The following L3MBTL4 variants were observed in gnomAD, a reference collection of about 807,000 sequenced individuals.
The protein encoded by L3MBTL4 is L3MBTL histone methyl-lysine binding protein 4.
A neutral mutation model predicts 84.5 loss-of-function variants in L3MBTL4; 70 were observed. The observed-to-expected ratio is 0.83, with a 90% CI of 0.68 to 1.01. The LOEUF is 1.01. Among genes scored for constraint, L3MBTL4 ranks in the 50% least tolerant of loss-of-function variants. The pLI is 0.00. For missense variants in L3MBTL4, 715 were observed against 754.8 expected (o/e 0.95, Z 0.62); for synonymous variants, 274 against 259.8 (o/e 1.05, Z -0.52).
rs73938775 is a variant in L3MBTL4 at position 6,154,265 on chromosome 18, T to G, written c.1097-15969A>C. Among the ~76,000 whole-genome samples the G allele has an allele frequency of 8.2e-3, 1,255 of 152,306 alleles. 20 individuals are homozygous for G. The highest frequency in any genetic ancestry group is 0.029 in the African/African-American group (1,205 of 41,564). On this transcript the variant is annotated intron_variant, in intron 13 of 18. Transcript: ENST00000317931. ...TTGCTTTACATAATAATCAAAATTT[T>G]TATATGTTTATGTACACCAACTTCT... is the stretch of plus-strand genomic sequence containing the variant.
At chr18:6,386,298 T>A (rs978136609) in intron 1 of L3MBTL4, among the ~76,000 whole-genome samples, 1 of 152,178 alleles carries the variant, frequency 6.6e-6, no homozygotes, top group African/African-American at 2.4e-5. Flanking sequence ...TAGGCCTTGG[T>A]GCAGACGGCC....
At chr18:5,957,694 G>A (rs1382305599) in intron 18 of L3MBTL4, among the ~76,000 whole-genome samples, 3 of 150,360 alleles carry the variant, frequency 2.0e-5, no homozygotes, top group Non-Finnish European at 2.9e-5. Flanking sequence ...GGTGGCTCAT[G>A]TCTGTAATCC....
chr18:6,048,648 G>C (rs556711458), intron 16 of L3MBTL4, among the ~76,000 whole-genome samples: 14 of 152,138 alleles, frequency 9.2e-5, no homozygotes, highest in African/African-American at 2.9e-4. Context: ...AATTAGCCGG[G>C]TGTGGTGGCG....
intron 14 of L3MBTL4, among the ~76,000 whole-genome samples, chr18:6,114,827 A>G (rs1217386961): frequency 6.6e-6 from 1 of 152,220 alleles, no homozygotes; most frequent in Non-Finnish European, 1.5e-5. Flanking sequence ...TGGTCACTAC[A>G]TACTGCTGCC....
At chr18:6,214,765 C>T (rs1049185597) in intron 11 of L3MBTL4, among the ~76,000 whole-genome samples, 4 of 152,166 alleles carry the variant, frequency 2.6e-5, no homozygotes, top group African/African-American at 4.8e-5. Context: ...GTATTGTACA[C>T]GCCTAAGGTA....
chr18:6,126,795 A>C (rs2059710534), intron 14 of L3MBTL4, among the ~76,000 whole-genome samples: 1 of 152,234 alleles, frequency 6.6e-6, no homozygotes, highest in Admixed American at 6.5e-5. Flanking sequence ...AAATTGGGTA[A>C]TTAATCATGT....
intron 1 of L3MBTL4, among the ~76,000 whole-genome samples, chr18:6,355,665 G>A (rs1046548001): frequency 2.0e-5 from 3 of 152,042 alleles, no homozygotes; most frequent in African/African-American, 7.2e-5. Context: ...CATATGGCTA[G>A]CTTCAATAAG....
chr18:6,301,980 T>C, intron 3 of L3MBTL4, 23 bp from the exon 4 acceptor site: 1 of 1,581,358 alleles, frequency 6.3e-7, no homozygotes, highest in Non-Finnish European at 8.7e-7. Flanking sequence ...AAATGGTGTT[T>C]AGATGGTATT....
intron 4 of L3MBTL4, among the ~76,000 whole-genome samples, chr18:6,279,827 T>A (rs1251319676): frequency 6.6e-6 from 1 of 152,206 alleles, no homozygotes; most frequent in Non-Finnish European, 1.5e-5. Context: ...CATATTTCCC[T>A]TGACCTTTTT....
intron 13 of L3MBTL4, among the ~76,000 whole-genome samples, chr18:6,144,196 CAA>C (rs35746580): frequency 6.9e-5 from 4 of 58,080 alleles, no homozygotes; most frequent in East Asian, 5.8e-4. Context: ...ACTCCATCTC[CAA>C]AAAAAAAAAA....
At chr18:6,204,991 T>C (rs762870176) in intron 12 of L3MBTL4, among the ~76,000 whole-genome samples, 1 of 152,240 alleles carries the variant, frequency 6.6e-6, no homozygotes, top group African/African-American at 2.4e-5. Context: ...GTAAAACAAT[T>C]GCATAAGGCA....
At chr18:6,362,956 A>G (rs1455472488) in intron 1 of L3MBTL4, among the ~76,000 whole-genome samples, 1 of 152,234 alleles carries the variant, frequency 6.6e-6, no homozygotes. Context: ...CGCGGAAAGC[A>G]CTCATCTACC....
chr18:6,047,643 A>T (rs1419342322), intron 16 of L3MBTL4, among the ~76,000 whole-genome samples: 1 of 152,246 alleles, frequency 6.6e-6, no homozygotes, highest in Non-Finnish European at 1.5e-5. Context: ...AGAATTAAAA[A>T]CAAAAATCAT....
At chr18:6,039,331 G>C (rs1293226504) in intron 16 of L3MBTL4, among the ~76,000 whole-genome samples, 1 of 152,084 alleles carries the variant, frequency 6.6e-6, no homozygotes. Context: ...AATTTTCTCT[G>C]CTTTTAAAAA....
intron 12 of L3MBTL4, among the ~76,000 whole-genome samples, chr18:6,185,969 A>ATTTT (rs1196171165): frequency 7.9e-5 from 11 of 139,874 alleles, no homozygotes; most frequent in African/African-American, 3.1e-4. Context: ...TCTTTATTTT[A>ATTTT]TTTTATTTTA....
At position 5,981,974 on chromosome 18, in the gene L3MBTL4, C is replaced by CTGTGTGTGTGTGTGTGTG. The variant is rs374606293; in HGVS notation, c.1445-12430_1445-12413dup. ...AAAGGAACAAAAAGGTTTCAATATT[C>CTGTGTGTGTGTGTGTGTG]TGTGTGTGTGTGTGTGTGTGTGTGT... On this transcript the variant is annotated intron_variant, in intron 16 of 18. Coordinates refer to ENST00000317931, the MANE Select transcript of L3MBTL4 (RefSeq NM_001330559.2). Among the ~76,000 whole-genome samples, 274 of 137,424 alleles carry CTGTGTGTGTGTGTGTGTG rather than the reference C, an allele frequency of 2.0e-3. 1 individual carries two copies. Among genetic ancestry groups the CTGTGTGTGTGTGTGTGTG allele is most frequent in the African/African-American group, 7.0e-3 (253 of 36,242 alleles). The allele number at this position is 137,424 out of a possible 152,430, so 90.2% of individuals were successfully genotyped here. A position where few individuals can be genotyped will look rare whatever the true frequency, so the allele number is the denominator to read the frequency against.
intron 4 of L3MBTL4, 125 bp from the exon 5 acceptor site, chr18:6,264,163 C>T (rs2048528815): frequency 3.0e-6 from 2 of 667,860 alleles, no homozygotes; most frequent in Admixed American, 2.7e-5. Context: ...GACCCAGCAA[C>T]TAAGAAGAGT....
At chr18:6,409,447 A>C (rs1019886217) in intron 1 of L3MBTL4, among the ~76,000 whole-genome samples, 10 of 152,286 alleles carry the variant, frequency 6.6e-5, no homozygotes, top group Middle Eastern at 3.4e-3. Flanking sequence ...TATCAGCATC[A>C]GTGTTGGGGC....
chr18:6,374,745 C>T (rs1002835246), intron 1 of L3MBTL4, among the ~76,000 whole-genome samples: 1 of 152,138 alleles, frequency 6.6e-6, no homozygotes, highest in African/African-American at 2.4e-5. Flanking sequence ...CTCTCCTCAT[C>T]GTAAGAAAGC....
Sources: gnomAD v4.1 joint callset for allele counts (sites outside exome capture counted in the v4.1 genomes callset) on GRCh38, gnomAD v4.1.1 for gene constraint, MANE v1.5 for transcripts, NCBI Gene and HGNC (gene_info 2026-07-23, HGNC 2026-07-21) for gene names.